MYO16: variants seen among roughly 807,000 people sequenced by gnomAD.
The protein encoded by MYO16 is myosin XVI.
A neutral mutation model predicts 205.3 loss-of-function variants in MYO16; 94 were observed. The ratio of observed to expected loss-of-function variants is 0.46; its 90% CI spans 0.39 to 0.54. The LOEUF is 0.54. MYO16 is among the 20% of genes least tolerant of loss of function. The pLI is 0.00. For synonymous variants in MYO16, 988 were observed against 954.0 expected (o/e 1.04, Z -0.66); for missense variants, 2,315 against 2,387.5 (o/e 0.97, Z 0.63).
the MYO16 span, among the ~76,000 whole-genome samples, chr13:108,576,783 A>G: frequency 6.6e-6 from 1 of 151,694 alleles, no homozygotes; most frequent in Non-Finnish European, 1.5e-5. Context: ...TTTTTTTGAG[A>G]CAGGATCTCG....
At chr13:109,024,002 A>G (rs952850608) in intron 23 of MYO16, among the ~76,000 whole-genome samples, 2 of 100,682 alleles carry the variant, frequency 2.0e-5, no homozygotes, top group African/African-American at 6.3e-5. Context: ...ATGTATATAT[A>G]GAAATATTAT....
Position 108,844,441 on chromosome 13 carries a change from A to G in MYO16, c.1196A>G (p.Gln399Arg), listed in dbSNP as rs1352882470. ...AAAGGTCTGTGTAAGCAGCAGTCTC[A>G]GGACAGCATCCCTGAAAACCCCATG... is the stretch of plus-strand genomic sequence containing the variant. Reference protein sequence around the residue: ...ATKGLCKQQSQDSIPENPMMS... With the variant: ...ATKGLCKQQSRDSIPENPMMS... The change falls in exon 10 of 35, where the codon CAG becomes CGG. Residue 399 changes from glutamine (Q) to arginine (R), a missense_variant. Physicochemically the swap from Gln to Arg is conservative, Grantham distance 43 (BLOSUM62 1). This residue lies in a region of MYO16 where 1,213 missense variants were observed against 1,274.4 expected (regional missense o/e 0.95). Coordinates refer to ENST00000457511, the MANE Select transcript of MYO16 (RefSeq NM_001198950.3). The G allele has an allele frequency of 6.2e-7, 1 of 1,612,898 alleles. No individual in the cohort carries two copies. Among genetic ancestry groups the G allele is most frequent in the Non-Finnish European group, 8.5e-7 (1 of 1,179,042 alleles).
chr13:108,593,677 C>A (rs556480522), upstream of MYO16, among the ~76,000 whole-genome samples: 1 of 152,208 alleles, frequency 6.6e-6, no homozygotes, highest in East Asian at 1.9e-4. Flanking sequence ...TACATTTAGC[C>A]CCAGGCTCTG....
intron 12 of MYO16, among the ~76,000 whole-genome samples, chr13:108,868,173 A>C (rs182703146): frequency 3.2e-4 from 49 of 152,272 alleles, no homozygotes; most frequent in Admixed American, 2.2e-3. Context: ...AAAGAGTGGA[A>C]TTGGTACATC....
chr13:108,980,972 G>A (rs1246535535), intron 20 of MYO16, among the ~76,000 whole-genome samples: 1 of 152,180 alleles, frequency 6.6e-6, no homozygotes, highest in South Asian at 2.1e-4. Context: ...AAAATGATGG[G>A]CTAGGGATAT....
chr13:108,510,485 T>TTTTTTTTTTTTTTTTTTTA, the MYO16 span, among the ~76,000 whole-genome samples: 4 of 96,472 alleles, frequency 4.1e-5, no homozygotes, highest in Non-Finnish European at 6.5e-5. Flanking sequence ...TTTTTTTTTT[T>TTTTTTTTTTTTTTTTTTTA]ATTGTACTTT....
At chr13:108,616,895 A>G (rs1879369085) in intron 1 of MYO16, among the ~76,000 whole-genome samples, 3 of 152,240 alleles carry the variant, frequency 2.0e-5, no homozygotes, top group Non-Finnish European at 4.4e-5. Flanking sequence ...GATCTGCTTG[A>G]AATTTCCTTT....
the MYO16 span, among the ~76,000 whole-genome samples, chr13:108,509,224 T>C: frequency 2.0e-5 from 3 of 151,282 alleles, no homozygotes; most frequent in East Asian, 2.0e-4. Flanking sequence ...AGAAACGGAA[T>C]TGGAATCCCA....
chr13:108,840,018 T>C (rs566893181), intron 9 of MYO16, among the ~76,000 whole-genome samples: 1 of 152,250 alleles, frequency 6.6e-6, no homozygotes, highest in Admixed American at 6.5e-5. Context: ...TCCTTCACTA[T>C]AGTCCTTTTG....
intron 9 of MYO16, among the ~76,000 whole-genome samples, chr13:108,840,305 C>T (rs1045305637): frequency 2.0e-5 from 3 of 152,080 alleles, no homozygotes; most frequent in Non-Finnish European, 4.4e-5. Context: ...TTCCATCAGG[C>T]CTGACCTATT....
At chr13:108,698,374 T>C (rs1266468881) in intron 2 of MYO16, among the ~76,000 whole-genome samples, 1 of 152,238 alleles carries the variant, frequency 6.6e-6, no homozygotes, top group East Asian at 1.9e-4. Context: ...GTGATTTCCG[T>C]TCCCAATTTG....
intron 2 of MYO16, among the ~76,000 whole-genome samples, chr13:108,674,489 G>A (rs919585063): frequency 6.6e-6 from 1 of 152,118 alleles, no homozygotes; most frequent in Non-Finnish European, 1.5e-5. Context: ...TGGTGATGGC[G>A]TTTTATTGGA....
chr13:109,091,218 C>A (rs1888612880), intron 27 of MYO16, among the ~76,000 whole-genome samples: 1 of 152,034 alleles, frequency 6.6e-6, no homozygotes, highest in South Asian at 2.1e-4. Flanking sequence ...GGGAAAATGC[C>A]CAGGAGTGGT....
Position 109,179,522 on chromosome 13 carries a change from A to T in MYO16, c.5324-20A>T. 6.4e-7 allele frequency: 1 copy of T among 1,570,054 alleles called. No individual in the cohort carries two copies. Among genetic ancestry groups the T allele is most frequent in the East Asian group, 2.2e-5 (1 of 44,644 alleles). ...ACAAGGAGACACTGCTTAACTCCCG[A>T]TTTGTGTTGACCTCAATAGGTTTAC... is the stretch of plus-strand genomic sequence containing the variant. On this transcript the variant is annotated intron_variant, in intron 33 of 34. Transcript: ENST00000457511.
chr13:108,600,560 A>G (rs1196655425), intron 1 of MYO16, among the ~76,000 whole-genome samples: 2 of 152,204 alleles, frequency 1.3e-5, no homozygotes, highest in Non-Finnish European at 1.5e-5. Context: ...AGAATTTACT[A>G]CATTTAAAAA....
chr13:109,140,474 C>T lies in MYO16; in HGVS notation c.4262C>T (p.Ala1421Val), dbSNP rs1227901786. The T allele has an allele frequency of 3.3e-6, 5 of 1,537,742 alleles. No individual in the cohort carries two copies. The highest frequency in any genetic ancestry group is 1.2e-5 in the South Asian group (1 of 84,410). The change falls in exon 32 of 35, where the codon GCG becomes GTG. Residue 1421 changes from alanine (A) to valine (V), a missense_variant. Physicochemically the swap from Ala to Val is moderately conservative, Grantham distance 64. This residue lies in a region of MYO16 where 1,097 missense variants were observed against 1,092.0 expected (regional missense o/e 1.00). Transcript: ENST00000457511. This position sits in a 1 kb window ranked among gnomAD's most constrained non-coding sequence, Gnocchi z 8.0. ...PGTPQCALPP[A>V]APPGDEDDSE... ...ACTCCGCAGTGCGCGCTGCCCCCGG[C>T]GGCGCCTCCGGGTGACGAGGACGAC...
Position 109,127,558 on chromosome 13 carries a change from C to G in MYO16, c.4051+8C>G, listed in dbSNP as rs3815983. ...GGGAAGCGGCCAACGAAGGTCAGCC[C>G]TGGGGAGGGACCCAGCCTCGTGTTC... is the stretch of plus-strand genomic sequence containing the variant. On this transcript the variant is annotated splice_region_variant and intron_variant, in intron 31 of 34. Transcript: ENST00000457511. The surrounding 1 kb of genome is among the most constrained non-coding windows in gnomAD (Gnocchi z 4.2). The G allele has an allele frequency of 1.9e-6, 3 of 1,606,386 alleles. No homozygotes were observed. Among genetic ancestry groups the G allele is most frequent in the Non-Finnish European group, 2.5e-6 (3 of 1,179,172 alleles).
intron 16 of MYO16, among the ~76,000 whole-genome samples, chr13:108,916,108 A>C (rs1350349424): frequency 2.0e-5 from 3 of 152,348 alleles, no homozygotes; most frequent in East Asian, 3.9e-4. Flanking sequence ...TTACTTAGTA[A>C]GTAGCTTGAA....
upstream of MYO16, among the ~76,000 whole-genome samples, chr13:108,593,281 C>T (rs1033100899): frequency 6.6e-6 from 1 of 152,082 alleles, no homozygotes; most frequent in African/African-American, 2.4e-5. Flanking sequence ...AAGATGGAAA[C>T]GTAAGCTTCC....
Sources: allele counts gnomAD v4.1 joint callset (sites outside exome capture counted in the v4.1 genomes callset), GRCh38; gene constraint gnomAD v4.1.1; regional missense constraint gnomAD v4.1.1; non-coding constraint Gnocchi (gnomAD v3.1); transcripts MANE v1.5; gene names NCBI Gene and HGNC (gene_info 2026-07-23, HGNC 2026-07-21).